Variants in WDR88 observed in about 807,000 individuals in gnomAD.
WDR88 encodes WD repeat-containing protein 88.
Under a neutral mutation model 46.8 loss-of-function variants are expected in WDR88, and 40 were observed. The observed-to-expected ratio is 0.86, with a 90% CI of 0.66 to 1.11. The LOEUF (loss-of-function observed/expected upper bound fraction) is 1.11, where lower values mean the gene tolerates loss of function less well. Among genes scored for constraint, WDR88 ranks in the 50% most tolerant of loss-of-function variants. The probability of loss-of-function intolerance (pLI) is 0.00; values close to 1 mark genes in which losing one functional copy is unlikely to be tolerated. For synonymous variants in WDR88, 235 were observed against 240.7 expected, an observed-to-expected ratio of 0.98 and a Z score of 0.22; for missense variants, 562 against 602.4, an observed-to-expected ratio of 0.93 and a Z score of 0.70.
At chr19:33,159,335 AAAATAAATAAAT>A (rs71176202) in intron 7 of WDR88, among the ~76,000 whole-genome samples, 16,003 of 142,636 alleles carry the variant, frequency 0.11, 1,787 homozygotes, top group African/African-American at 0.29. Flanking sequence ...CTTATCTCTA[AAAATAAATAAAT>A]AAATAAATAA....
intron 7 of WDR88, among the ~76,000 whole-genome samples, chr19:33,159,467 AT>A (rs1224423931): frequency 5.3e-5 from 8 of 152,196 alleles, no homozygotes; most frequent in Non-Finnish European, 7.3e-5. Context: ...GGGAAAATGC[AT>A]GCATCCATTC....
chr19:33,152,236 T>A lies in WDR88; in HGVS notation c.809+926T>A, dbSNP rs558167977. ...GACAGAGTGAGACTCTGTCTCAAAA[T>A]ATATATATATATATATACACGCACA... On this transcript the variant is annotated intron_variant, in intron 6 of 10. Transcript: ENST00000355868. Among the ~76,000 whole-genome samples the A allele has an allele frequency of 6.9e-4, 102 of 147,550 alleles. 2 individuals carry two copies. Among genetic ancestry groups the A allele is most frequent in the Admixed American group, 4.9e-3 (72 of 14,672 alleles).
intron 6 of WDR88, among the ~76,000 whole-genome samples, chr19:33,151,912 T>G (rs1183387592): frequency 6.6e-6 from 1 of 151,122 alleles, no homozygotes; most frequent in Admixed American, 6.6e-5. Flanking sequence ...AATTCAGTCG[T>G]TTTGGAGATA....
intron 9 of WDR88, among the ~76,000 whole-genome samples, chr19:33,169,895 G>A (rs1974009827): frequency 6.6e-6 from 1 of 151,910 alleles, no homozygotes; most frequent in African/African-American, 2.4e-5. Context: ...TTTTATTTTT[G>A]AGATGGAGTT....
At chr19:33,164,839 G>A (rs950707178) in intron 9 of WDR88, among the ~76,000 whole-genome samples, 1 of 151,964 alleles carries the variant, frequency 6.6e-6, no homozygotes. Context: ...TTGGGATGGT[G>A]CAAGAGCATT....
chr19:33,146,594 C>T (rs1432203511), intron 3 of WDR88, among the ~76,000 whole-genome samples: 2 of 152,128 alleles, frequency 1.3e-5, no homozygotes, highest in African/African-American at 4.8e-5. Flanking sequence ...TCTTGGCTCA[C>T]TGTAACCTCC....
chr19:33,138,008 A>T (rs550285175), intron 2 of WDR88, among the ~76,000 whole-genome samples: 1 of 150,920 alleles, frequency 6.6e-6, no homozygotes, highest in Non-Finnish European at 1.5e-5. Context: ...TGGGAATGGG[A>T]TGGAGACCTC....
chr19:33,146,964 G>A (rs558211004), intron 3 of WDR88, among the ~76,000 whole-genome samples: 99 of 152,094 alleles, frequency 6.5e-4, no homozygotes, highest in Non-Finnish European at 1.0e-3. Context: ...CAGGCCAGGC[G>A]TGGTGGCTTA....
In WDR88 at chr19:33,174,311, C is replaced by T. The variant is rs751329072; in HGVS notation, c.1243-1085C>T. 21 of 1,522,210 alleles carry T rather than the reference C, an allele frequency of 1.4e-5. 1 individual carries two copies. The highest frequency in any genetic ancestry group is 1.0e-4 in the Admixed American group (5 of 49,620). The allele number at this position is 1,522,210 out of a possible 1,614,324, so 94.3% of individuals were successfully genotyped here. ...GCCTGCCCCAGGTAGGGTTTACCCCCCTCTCCAGCAGGCCTCAGTGTCCTG... is the reference window on the plus strand; with the variant it reads ...GCCTGCCCCAGGTAGGGTTTACCCCTCTCTCCAGCAGGCCTCAGTGTCCTG... On this transcript the variant is annotated intron_variant, in intron 10 of 10. Transcript: ENST00000355868.
intron 6 of WDR88, among the ~76,000 whole-genome samples, chr19:33,151,853 C>G (rs775935242): frequency 6.6e-6 from 1 of 151,886 alleles, no homozygotes; most frequent in Non-Finnish European, 1.5e-5. Flanking sequence ...GCACCCCAGC[C>G]TGGACAATGA....
intron 2 of WDR88, among the ~76,000 whole-genome samples, chr19:33,144,245 G>C (rs1973463496): frequency 6.6e-6 from 1 of 152,182 alleles, no homozygotes; most frequent in African/African-American, 2.4e-5. Flanking sequence ...TGTCGCCCAG[G>C]CTGGAATGAA....
At chr19:33,133,911 G>A (rs1973192481) in intron 1 of WDR88, among the ~76,000 whole-genome samples, 1 of 152,230 alleles carries the variant, frequency 6.6e-6, no homozygotes, top group South Asian at 2.1e-4. Context: ...TCCCCGTTCC[G>A]TCCTCAAGGT....
Position 33,132,353 on chromosome 19 carries a change from G to C in WDR88, c.184G>C (p.Ala62Pro). 6.2e-7 allele frequency: 1 copy of C among 1,614,036 alleles called. No homozygotes were observed. Among genetic ancestry groups the C allele is most frequent in the Non-Finnish European group, 8.5e-7 (1 of 1,179,996 alleles). The change falls in exon 1 of 11, where the codon GCC becomes CCC. Residue 62 changes from alanine (A) to proline (P), a missense_variant. Coordinates refer to ENST00000355868, the MANE Select transcript of WDR88 (RefSeq NM_173479.4). Reference protein sequence around the residue: ...THLLATLDPLALDREPPPHLL... With the variant: ...THLLATLDPLPLDREPPPHLL... ...CCTGCTGGCCACCCTCGACCCCCTG[G>C]CCTTGGACAGGGAACCACCACCGCA...
intron 1 of WDR88, among the ~76,000 whole-genome samples, chr19:33,133,681 C>T (rs1454494247): frequency 6.6e-6 from 1 of 152,202 alleles, no homozygotes; most frequent in East Asian, 1.9e-4. Context: ...TGAAGTCTGG[C>T]GATCTGCCTG....
intron 6 of WDR88, among the ~76,000 whole-genome samples, chr19:33,153,505 T>TA (rs1973675705): frequency 2.0e-5 from 3 of 152,128 alleles, no homozygotes; most frequent in South Asian, 2.1e-4. Context: ...CCGACCGACA[T>TA]TATGAATTTT....
chr19:33,162,633 G>T (rs62125330), intron 8 of WDR88, among the ~76,000 whole-genome samples: 17,018 of 152,058 alleles, frequency 0.11, 1,105 homozygotes, highest in South Asian at 0.33. Flanking sequence ...CCTCTGAGGG[G>T]TATTTCCTAG....
At chr19:33,148,516 C>G (rs115215688) in intron 4 of WDR88, among the ~76,000 whole-genome samples, 12,269 of 152,244 alleles carry the variant, frequency 0.081, 770 homozygotes, top group Admixed American at 0.22. Flanking sequence ...TCGTAGCTCA[C>G]TGCAGCCTCA....
At chr19:33,135,161 A>G (rs976317060) in intron 1 of WDR88, among the ~76,000 whole-genome samples, 7 of 151,778 alleles carry the variant, frequency 4.6e-5, no homozygotes, top group African/African-American at 1.5e-4. Flanking sequence ...TAGAAGCTGT[A>G]GTGGTTTCTA....
At chr19:33,147,448 C>T (rs1360020200) in intron 3 of WDR88, among the ~76,000 whole-genome samples, 197 bp from the exon 4 acceptor site, 1 of 151,866 alleles carries the variant, frequency 6.6e-6, no homozygotes, top group Non-Finnish European at 1.5e-5. Context: ...ACTAAAAATA[C>T]AAAAATTAGC....
Sources: gnomAD v4.1 joint callset for allele counts (sites outside exome capture counted in the v4.1 genomes callset) on GRCh38, gnomAD v4.1.1 for gene constraint, MANE v1.5 for transcripts, NCBI Gene and HGNC (gene_info 2026-07-23, HGNC 2026-07-21) for gene names.